Variants in HYDIN observed in about 807,000 individuals in gnomAD.
HYDIN encodes axonemal central pair apparatus protein HYDIN.
Under a neutral mutation model 403.9 loss-of-function variants are expected in HYDIN, and 132 were observed. The ratio of observed to expected loss-of-function variants is 0.33; its 90% CI spans 0.28 to 0.38. The LOEUF is 0.38. Among genes scored for constraint, HYDIN ranks in the 10% least tolerant of loss-of-function variants. The pLI, the probability that HYDIN is intolerant of heterozygous loss-of-function variation, is 1.00. For synonymous variants in HYDIN, 1,202 were observed against 1,891.7 expected, an observed-to-expected ratio of 0.64 and a Z score of 9.46; for missense variants, 2,827 against 5,009.5, an observed-to-expected ratio of 0.56 and a Z score of 13.15.
rs576526414 is a variant in HYDIN, at chr16:70,803,869, G to C, written c.*3711C>G. Among the ~76,000 whole-genome samples, 17 of 151,958 alleles carry C rather than the reference G, an allele frequency of 1.1e-4. No individual in the cohort carries two copies. The highest frequency in any genetic ancestry group is 3.9e-4 in the African/African-American group (16 of 41,418). On this transcript the variant is annotated 3_prime_UTR_variant, in exon 86 of 86. Coordinates refer to ENST00000393567, the MANE Select transcript of HYDIN (RefSeq NM_001270974.2). ...GGGGCCCAGTGTGGAACGAGGCCAG[G>C]GAGCCCCATTCCCATGGTATTCTGT...
At chr16:71,093,011 T>C (rs1227759318) in intron 11 of HYDIN, among the ~76,000 whole-genome samples, 2 of 127,134 alleles carry the variant, frequency 1.6e-5, no homozygotes, top group Admixed American at 1.7e-4. Flanking sequence ...CTTTCACAAT[T>C]TGGTAAGGAT....
intron 84 of HYDIN, among the ~76,000 whole-genome samples, chr16:70,818,006 C>T (rs10852466): frequency 3.9e-4 from 59 of 152,144 alleles, no homozygotes; most frequent in Non-Finnish European, 7.6e-4. Flanking sequence ...CCTCCCAAAG[C>T]GGTGGGATTA....
chr16:71,135,956 G>C (rs548773846), intron 8 of HYDIN, among the ~76,000 whole-genome samples: 12 of 151,870 alleles, frequency 7.9e-5, no homozygotes, highest in African/African-American at 2.7e-4. Flanking sequence ...ACGGACCTAA[G>C]ACTTTTATTT....
At chr16:71,072,905 TG>T (rs2082511828) in intron 13 of HYDIN, among the ~76,000 whole-genome samples, 1 of 151,378 alleles carries the variant, frequency 6.6e-6, no homozygotes, top group Non-Finnish European at 1.5e-5. Context: ...AATACACCAA[TG>T]AAGGTCTTCT....
At chr16:70,945,857 G>A (rs962384119) in intron 41 of HYDIN, among the ~76,000 whole-genome samples, 69 of 152,150 alleles carry the variant, frequency 4.5e-4, no homozygotes, top group Non-Finnish European at 7.5e-4. Flanking sequence ...GAATGGTGGG[G>A]ACAAAGGCCC....
At chr16:70,809,373 TA>T (rs1429804776) in intron 85 of HYDIN, among the ~76,000 whole-genome samples, 1 of 152,242 alleles carries the variant, frequency 6.6e-6, no homozygotes, top group Non-Finnish European at 1.5e-5. Flanking sequence ...TATCCCCATT[TA>T]TAAATAAGCT....
intron 38 of HYDIN, among the ~76,000 whole-genome samples, chr16:70,960,150 A>T (rs1164647130): frequency 2.0e-5 from 3 of 150,560 alleles, no homozygotes; most frequent in East Asian, 2.0e-4. Flanking sequence ...AATCTGCAGC[A>T]TTAAGGGAAA....
intron 10 of HYDIN, among the ~76,000 whole-genome samples, chr16:71,101,536 G>A (rs1455985120): frequency 6.9e-6 from 1 of 145,334 alleles, no homozygotes; most frequent in Non-Finnish European, 1.5e-5. Flanking sequence ...GGCCAAATAC[G>A]AATTTCACAG....
At chr16:71,100,697 C>T (rs561162546) in intron 10 of HYDIN, among the ~76,000 whole-genome samples, 66 of 152,238 alleles carry the variant, frequency 4.3e-4, no homozygotes, top group African/African-American at 1.5e-3. Flanking sequence ...ATGGGATCTG[C>T]GGTAGGCTGA....
chr16:71,070,561 T>G (rs1225010208), intron 13 of HYDIN, among the ~76,000 whole-genome samples: 1 of 134,970 alleles, frequency 7.4e-6, no homozygotes, highest in Non-Finnish European at 1.5e-5. Context: ...ACTCTTGACC[T>G]CAGGTGATCC....
intron 45 of HYDIN, among the ~76,000 whole-genome samples, chr16:70,931,046 T>C (rs2077305295): frequency 1.3e-5 from 2 of 152,052 alleles, no homozygotes; most frequent in South Asian, 4.1e-4. Context: ...TCCAAGCAGA[T>C]AAACTGAAAA....
rs560482705 is a variant in HYDIN at position 70,809,958 on chromosome 16, C to A, written c.14708G>T (p.Gly4903Val). ...GTCAGTGTTGTGCAAAGTTAGTCTT[C>A]CGAAGGTTTCTCCAGCTTTCAGGGG... ...FQPLKAGETF[G>V]RLTLHNTDLG... is the part of the protein sequence containing the mutation. Residue 4903 changes from glycine to valine, a missense_variant, in exon 85 of 86, where the codon GGA (glycine) becomes GTA (valine). Coordinates refer to ENST00000393567, the MANE Select transcript of HYDIN (RefSeq NM_001270974.2). The A allele has an allele frequency of 6.2e-7, 1 of 1,614,142 alleles. No individual in the cohort carries two copies. The highest frequency in any genetic ancestry group is 2.2e-5 in the East Asian group (1 of 44,882).
intron 69 of HYDIN, 98 bp from the exon 70 acceptor site, chr16:70,860,999 C>T (rs1040148850): frequency 2.2e-6 from 2 of 918,670 alleles, no homozygotes; most frequent in Non-Finnish European, 3.4e-6. Context: ...AGAATGTGAG[C>T]TCTATGGGAG....
chr16:70,890,648 C>T (rs370174784), intron 57 of HYDIN, among the ~76,000 whole-genome samples: 3 of 150,806 alleles, frequency 2.0e-5, no homozygotes, highest in East Asian at 3.9e-4. Context: ...TCGGTAAAAA[C>T]CATCCTTAAT....
intron 7 of HYDIN, among the ~76,000 whole-genome samples, chr16:71,148,662 G>A (rs989322551): frequency 5.3e-5 from 8 of 150,940 alleles, no homozygotes; most frequent in African/African-American, 2.0e-4. Context: ...AAATTGTTCT[G>A]CTAATAAAAA....
At chr16:70,951,717 C>A (rs1421664226) in intron 41 of HYDIN, among the ~76,000 whole-genome samples, 1 of 149,704 alleles carries the variant, frequency 6.7e-6, no homozygotes, top group African/African-American at 2.5e-5. Context: ...TCTTTATAGA[C>A]CTGCTTCTAC....
chr16:70,824,070 T>C (rs978141694), intron 83 of HYDIN, among the ~76,000 whole-genome samples: 1 of 152,028 alleles, frequency 6.6e-6, no homozygotes, highest in African/African-American at 2.4e-5. Flanking sequence ...GTTTTTTTTT[T>C]ATAGTGGGAG....
At chr16:71,193,038 G>A (rs1347459120) in intron 1 of HYDIN, among the ~76,000 whole-genome samples, 1 of 152,140 alleles carries the variant, frequency 6.6e-6, no homozygotes, top group Non-Finnish European at 1.5e-5. Flanking sequence ...GTGCACTCGA[G>A]GAGTGCCATA....
intron 67 of HYDIN, among the ~76,000 whole-genome samples, chr16:70,864,016 G>A (rs2143627339): frequency 6.6e-6 from 1 of 151,228 alleles, no homozygotes; most frequent in East Asian, 2.0e-4. Context: ...GGCTTTTCCT[G>A]CCTCAAATTT....
Sources: gnomAD v4.1 joint callset for allele counts (sites outside exome capture counted in the v4.1 genomes callset) on GRCh38, gnomAD v4.1.1 for gene constraint, MANE v1.5 for transcripts, NCBI Gene and HGNC (gene_info 2026-07-23, HGNC 2026-07-21) for gene names.